PLCG2: variants seen among roughly 807,000 people sequenced by gnomAD.
PLCG2 encodes the protein 1-phosphatidylinositol 4,5-bisphosphate phosphodiesterase gamma-2.
A neutral mutation model predicts 175.6 loss-of-function variants in PLCG2; 69 were observed. The ratio of observed to expected loss-of-function variants is 0.39; its 90% CI spans 0.32 to 0.48. PLCG2 has a LOEUF of 0.48. Ranked by LOEUF, PLCG2 falls within the 20% of genes least tolerant of loss-of-function variation. The probability of loss-of-function intolerance (pLI) is 0.91; values close to 1 mark genes in which losing one functional copy is unlikely to be tolerated. For synonymous variants in PLCG2, 827 were observed against 624.0 expected, an observed-to-expected ratio of 1.33 and a Z score of -4.85; for missense variants, 1,798 against 1,650.9, an observed-to-expected ratio of 1.09 and a Z score of -1.54.
chr16:81,921,176 C>A (rs747639166), intron 20 of PLCG2, 22 bp from the exon 21 acceptor site: 9 of 1,439,004 alleles, frequency 6.3e-6, no homozygotes, highest in Non-Finnish European at 8.8e-6. Context: ...TATTCCATTT[C>A]TTTCTTTCTT....
At chr16:81,822,885 C>T (rs190484517) in intron 2 of PLCG2, among the ~76,000 whole-genome samples, 5 of 152,170 alleles carry the variant, frequency 3.3e-5, no homozygotes, top group Admixed American at 6.5e-5. Flanking sequence ...CACACGGCCA[C>T]GATTGCAGGC....
intron 31 of PLCG2, among the ~76,000 whole-genome samples, chr16:81,951,937 G>A (rs1358102987): frequency 1.3e-5 from 2 of 152,068 alleles, no homozygotes; most frequent in Non-Finnish European, 2.9e-5. Flanking sequence ...TTACAAAACA[G>A]GAAGACTTCA....
At chr16:81,835,850 G>C (rs1323848026) in intron 2 of PLCG2, among the ~76,000 whole-genome samples, 1 of 152,046 alleles carries the variant, frequency 6.6e-6, no homozygotes, top group Non-Finnish European at 1.5e-5. Context: ...GTGACCCTGG[G>C]TGTCCCTTGG....
chr16:81,883,271 A>C lies in PLCG2; in HGVS notation c.695A>C (p.Asn232Thr). ...GCACCCCCTTTCCCCGAGGATAGGA[A>C]CACTGACAGGCCGGATGCCTCTGCT... ...KKDSSVFILG[N>T]TDRPDASAVY... Residue 232 changes from asparagine to threonine, a missense_variant and splice_region_variant, in exon 9 of 33, where the codon AAC becomes ACC. Physicochemically the swap from Asn to Thr is moderately conservative, Grantham distance 65 (BLOSUM62 0). Coordinates refer to ENST00000564138, the MANE Select transcript of PLCG2 (RefSeq NM_002661.5). 1 of 1,614,118 alleles carries C rather than the reference A, an allele frequency of 6.2e-7. No individual in the cohort carries two copies. The highest frequency in any genetic ancestry group is 8.5e-7 in the Non-Finnish European group (1 of 1,179,942).
intron 7 of PLCG2, among the ~76,000 whole-genome samples, chr16:81,874,956 T>TTTTTTTGTTCTTC (rs1907701295): frequency 2.4e-5 from 1 of 41,646 alleles, no homozygotes; most frequent in Non-Finnish European, 6.8e-5. Flanking sequence ...GTGTTTTTTT[T>TTTTTTTGTTCTTC]TTTTTTTTTT....
At chr16:81,856,131 C>T (rs1360612676) in intron 3 of PLCG2, among the ~76,000 whole-genome samples, 1 of 152,156 alleles carries the variant, frequency 6.6e-6, no homozygotes, top group African/African-American at 2.4e-5. Flanking sequence ...GATTCACATT[C>T]CATCTTCTCA....
intron 20 of PLCG2, among the ~76,000 whole-genome samples, chr16:81,920,655 T>A (rs144844439): frequency 1.3e-3 from 200 of 152,074 alleles, no homozygotes; most frequent in African/African-American, 4.5e-3. Context: ...TAAGGTGACA[T>A]GAGGAACAGA....
chr16:81,899,258 AG>A (rs1245619930), intron 13 of PLCG2, among the ~76,000 whole-genome samples: 1 of 145,864 alleles, frequency 6.9e-6, no homozygotes, highest in Admixed American at 6.7e-5. Flanking sequence ...CTGCCTCAGG[AG>A]GAGTATGTGT....
chr16:81,879,042 T>C (rs1907951933), intron 7 of PLCG2, among the ~76,000 whole-genome samples: 1 of 152,066 alleles, frequency 6.6e-6, no homozygotes, highest in Admixed American at 6.6e-5. Context: ...ATCTGTACCA[T>C]GGTGGTACCT....
chr16:81,921,479 A>C (rs1054298039), intron 21 of PLCG2: 14 of 596,920 alleles, frequency 2.3e-5, no homozygotes, highest in Non-Finnish European at 4.3e-5. Context: ...TCCAAATGCA[A>C]CAGTGTTTTG....
chr16:81,850,354 A>G (rs985951203), intron 2 of PLCG2, among the ~76,000 whole-genome samples: 7 of 152,136 alleles, frequency 4.6e-5, no homozygotes, highest in African/African-American at 1.7e-4. Flanking sequence ...AGATAAATGA[A>G]ACAAACAAAC....
At chr16:81,911,172 T>G (rs564986239) in intron 18 of PLCG2, among the ~76,000 whole-genome samples, 1 of 152,312 alleles carries the variant, frequency 6.6e-6, no homozygotes, top group African/African-American at 2.4e-5. Context: ...GAAAAAACAA[T>G]TTTTAGGCAG....
intron 2 of PLCG2, among the ~76,000 whole-genome samples, chr16:81,849,525 G>C (rs746987015): frequency 4.6e-5 from 7 of 152,110 alleles, no homozygotes; most frequent in Admixed American, 1.3e-4. Flanking sequence ...TTGGAAGGCC[G>C]AGACAGGCGG....
chr16:81,890,386 G>T (rs374683132), intron 10 of PLCG2, among the ~76,000 whole-genome samples: 25 of 152,234 alleles, frequency 1.6e-4, no homozygotes, highest in Non-Finnish European at 3.7e-4. Context: ...ATTAAGGGCA[G>T]TTTGGAGGTT....
intron 7 of PLCG2, among the ~76,000 whole-genome samples, chr16:81,872,052 G>C (rs536630110): frequency 1.3e-5 from 2 of 152,324 alleles, no homozygotes; most frequent in South Asian, 2.1e-4. Context: ...ATACAGGCCA[G>C]GTGCAGTGGT....
upstream of PLCG2, among the ~76,000 whole-genome samples, chr16:81,778,743 G>T (rs112787227): frequency 6.6e-6 from 1 of 152,192 alleles, no homozygotes; most frequent in African/African-American, 2.4e-5. Context: ...CAGCCTCAAC[G>T]AGGGCTTCAA....
chr16:81,910,949 A>G (rs774314314), intron 18 of PLCG2, among the ~76,000 whole-genome samples: 9 of 151,258 alleles, frequency 6.0e-5, no homozygotes, highest in Admixed American at 1.3e-4. Flanking sequence ...CCTTTCTTCT[A>G]CTTTGTCTTC....
chr16:81,901,141 C>T (rs1390813161), intron 14 of PLCG2, among the ~76,000 whole-genome samples: 1 of 152,198 alleles, frequency 6.6e-6, no homozygotes, highest in African/African-American at 2.4e-5. Context: ...CCTTCCCCAT[C>T]CTCTCTCGGA....
chr16:81,819,026 C>G (rs1904678253), intron 2 of PLCG2, among the ~76,000 whole-genome samples: 1 of 151,730 alleles, frequency 6.6e-6, no homozygotes, highest in Admixed American at 6.6e-5. Flanking sequence ...GCAGGTGTAA[C>G]TCCTTCAATT....
Sources: gnomAD v4.1 joint callset for allele counts (sites outside exome capture counted in the v4.1 genomes callset) on GRCh38, gnomAD v4.1.1 for gene constraint, MANE v1.5 for transcripts, NCBI Gene and HGNC (gene_info 2026-07-23, HGNC 2026-07-21) for gene names.